UCHL3: variants seen among roughly 807,000 people sequenced by gnomAD.
UCHL3 encodes ubiquitin carboxyl-terminal hydrolase isozyme L3.
Under a neutral mutation model 35.8 loss-of-function variants are expected in UCHL3, and 22 were observed. The observed-to-expected ratio is 0.61, with a 90% CI of 0.44 to 0.88. The LOEUF (loss-of-function observed/expected upper bound fraction) is 0.88, where lower values mean the gene tolerates loss of function less well. Ranked by LOEUF, UCHL3 falls within the 40% of genes least tolerant of loss-of-function variation. The pLI, the probability that UCHL3 is intolerant of heterozygous loss-of-function variation, is 0.00. For missense variants in UCHL3, 229 were observed against 276.9 expected (o/e 0.83, Z 1.23); for synonymous variants, 90 against 92.8 (o/e 0.97, Z 0.17).
chr13:75,597,755 T>G (rs2032681725), intron 7 of UCHL3, among the ~76,000 whole-genome samples: 1 of 152,198 alleles, frequency 6.6e-6, no homozygotes, highest in Non-Finnish European at 1.5e-5. Flanking sequence ...TGTAACTTTA[T>G]TTTTAAAAAT....
At chr13:75,561,967 T>C (rs1333448010) in intron 3 of UCHL3, among the ~76,000 whole-genome samples, 2 of 152,108 alleles carry the variant, frequency 1.3e-5, no homozygotes, top group Non-Finnish European at 2.9e-5. Context: ...TTTGAGGCTA[T>C]ATCCTTCTGA....
At chr13:75,586,783 C>A (rs1054572249) in intron 6 of UCHL3, among the ~76,000 whole-genome samples, 1 of 151,558 alleles carries the variant, frequency 6.6e-6, no homozygotes, top group Non-Finnish European at 1.5e-5. Flanking sequence ...ATTCATGGAT[C>A]AAAGAGGAAT....
intron 7 of UCHL3, among the ~76,000 whole-genome samples, chr13:75,599,549 C>G (rs2032726452): frequency 6.6e-6 from 1 of 152,136 alleles, no homozygotes; most frequent in South Asian, 2.1e-4. Context: ...CCCAACATTT[C>G]AAACGTTTTA....
intron 2 of UCHL3, among the ~76,000 whole-genome samples, chr13:75,554,341 G>C (rs1262473074): frequency 6.6e-6 from 1 of 152,126 alleles, no homozygotes; most frequent in East Asian, 1.9e-4. Context: ...TTCTAATCTT[G>C]TAAGATCACT....
chr13:75,566,349 T>C (rs2138489060), intron 3 of UCHL3, among the ~76,000 whole-genome samples: 1 of 152,338 alleles, frequency 6.6e-6, no homozygotes, highest in South Asian at 2.1e-4. Flanking sequence ...CAAATCTCCA[T>C]TGATGTCTTA....
chr13:75,552,565 G>C (rs1270483729), intron 2 of UCHL3, among the ~76,000 whole-genome samples: 1 of 152,204 alleles, frequency 6.6e-6, no homozygotes, highest in Non-Finnish European at 1.5e-5. Context: ...AGCAGATGTG[G>C]TAGACAGTGA....
At chr13:75,577,771 C>G (rs8192748) in intron 6 of UCHL3, among the ~76,000 whole-genome samples, 87,471 of 152,012 alleles carry the variant, frequency 0.58, 26,961 homozygotes, top group Non-Finnish European at 0.69. Flanking sequence ...AAATGTGAAG[C>G]CAAGAAAGAA....
chr13:75,562,453 T>C (rs2031548655), intron 3 of UCHL3, among the ~76,000 whole-genome samples: 1 of 152,124 alleles, frequency 6.6e-6, no homozygotes, highest in African/African-American at 2.4e-5. Flanking sequence ...TAATACAATG[T>C]TACTTTTACC....
At position 75,560,794 on chromosome 13, in the gene UCHL3, T is replaced by C. The variant is rs1158237749; in HGVS notation, c.96T>C (p.Val32=). The change falls in exon 3 of 9, where the codon GTT becomes GTC. Residue 32 remains valine (V), a synonymous_variant. Transcript: ENST00000377595. ...QLGLHPNWQF[V]DVYGMDPELL... is the part of the protein sequence containing the mutation. ...GTCTACATCCTAACTGGCAATTCGT[T>C]GATGTATATGGAATGGATCCTGAAC... is the stretch of plus-strand genomic sequence containing the variant. 1 of 1,602,208 alleles carries C rather than the reference T, an allele frequency of 6.2e-7. No individual in the cohort carries two copies. Among genetic ancestry groups the C allele is most frequent in the Admixed American group, 1.7e-5 (1 of 57,540 alleles).
chr13:75,587,814 T>G (rs1324584669), intron 6 of UCHL3, among the ~76,000 whole-genome samples: 2 of 152,114 alleles, frequency 1.3e-5, no homozygotes, highest in Admixed American at 1.3e-4. Context: ...GTAAGCAACC[T>G]TAAGGGATGA....
intron 2 of UCHL3, among the ~76,000 whole-genome samples, chr13:75,559,332 G>A (rs890751734): frequency 7.2e-6 from 1 of 139,136 alleles, no homozygotes; most frequent in Non-Finnish European, 1.6e-5. Flanking sequence ...GAGCCACCGC[G>A]CCCGGCCCTC....
intron 3 of UCHL3, among the ~76,000 whole-genome samples, chr13:75,563,781 T>C (rs1419517944): frequency 2.0e-5 from 3 of 152,222 alleles, no homozygotes; most frequent in African/African-American, 7.2e-5. Flanking sequence ...CTCTGTGTAT[T>C]TGAGCTTTTC....
intron 6 of UCHL3, among the ~76,000 whole-genome samples, chr13:75,592,009 A>G (rs2032489488): frequency 6.6e-6 from 1 of 151,980 alleles, no homozygotes; most frequent in South Asian, 2.1e-4. Flanking sequence ...AGATTTTTGG[A>G]TTTGGGATGC....
chr13:75,567,341 A>C, intron 5 of UCHL3, 29 bp downstream of exon 5: 30 of 1,601,154 alleles, frequency 1.9e-5, no homozygotes, highest in African/African-American at 2.7e-5. Context: ...TTTTGATCTC[A>C]TGTGGGCAAA....
intron 6 of UCHL3, among the ~76,000 whole-genome samples, chr13:75,579,584 C>T (rs897578386): frequency 2.0e-5 from 3 of 151,932 alleles, no homozygotes; most frequent in African/African-American, 7.2e-5. Context: ...CTCCTTTCCT[C>T]CCCCCTTCTT....
rs142025720 is a variant in UCHL3 at position 75,556,709 on chromosome 13, T to C, written c.55-4044T>C. On this transcript the variant is annotated intron_variant, in intron 2 of 8. Coordinates refer to ENST00000377595, the MANE Select transcript of UCHL3 (RefSeq NM_006002.5). ...TAAGTCTAGTTTGTATGCAAAAACC[T>C]GGAGGGAAGAGATGGTTATAGACAG... is the stretch of plus-strand genomic sequence containing the variant. 2.6e-5 allele frequency among the ~76,000 whole-genome samples: 4 copies of C among 152,298 alleles called. No individual in the cohort carries two copies. The East Asian group carries it at 7.7e-4, about 29-fold the overall frequency.
intron 6 of UCHL3, among the ~76,000 whole-genome samples, chr13:75,572,740 C>A (rs2031901943): frequency 6.6e-6 from 1 of 152,108 alleles, no homozygotes; most frequent in Non-Finnish European, 1.5e-5. Context: ...TATCCATTAG[C>A]CATTGTTTCC....
At chr13:75,583,104 T>C (rs1441842382) in intron 6 of UCHL3, among the ~76,000 whole-genome samples, 5 of 152,242 alleles carry the variant, frequency 3.3e-5, no homozygotes, top group Admixed American at 6.5e-5. Flanking sequence ...TTATTGATTC[T>C]AATGTTTTAA....
intron 3 of UCHL3, among the ~76,000 whole-genome samples, chr13:75,561,574 A>G (rs925352509): frequency 7.3e-5 from 11 of 151,686 alleles, no homozygotes; most frequent in Admixed American, 5.3e-4. Context: ...TTCTTTGCTT[A>G]TTTTAAGTTG....
Sources: gnomAD v4.1 joint callset for allele counts (sites outside exome capture counted in the v4.1 genomes callset) on GRCh38, gnomAD v4.1.1 for gene constraint, MANE v1.5 for transcripts, NCBI Gene and HGNC (gene_info 2026-07-23, HGNC 2026-07-21) for gene names.